The following TSHZ1 variants were observed in gnomAD, a reference collection of about 807,000 sequenced individuals.
The protein encoded by TSHZ1 is teashirt homolog 1.
TSHZ1 carries 12 observed loss-of-function variants against 67.1 expected under a neutral mutation model. The observed-to-expected ratio is 0.18, with a 90% CI of 0.11 to 0.29. The LOEUF (loss-of-function observed/expected upper bound fraction) is 0.29. Among genes scored for constraint, TSHZ1 ranks in the 10% least tolerant of loss-of-function variants. The pLI is 1.00. For synonymous variants in TSHZ1, 632 were observed against 622.4 expected, an observed-to-expected ratio of 1.02 and a Z score of -0.23; for missense variants, 1,305 against 1,413.9, an observed-to-expected ratio of 0.92 and a Z score of 1.23.
At chr18:75,249,988 ACCT>A (rs2023277732) in intron 1 of TSHZ1, among the ~76,000 whole-genome samples, 2 of 107,174 alleles carry the variant, frequency 1.9e-5, no homozygotes, top group African/African-American at 3.8e-5. Flanking sequence ...GGGGCGCATG[ACCT>A]CCTCATCTCA....
intron 1 of TSHZ1, among the ~76,000 whole-genome samples, chr18:75,233,482 T>C (rs1179588232): frequency 6.6e-6 from 1 of 152,208 alleles, no homozygotes; most frequent in Non-Finnish European, 1.5e-5. Context: ...TATAAGAAGA[T>C]GGATGCCGAT....
At chr18:75,251,438 T>G (rs1464773675) in intron 1 of TSHZ1, among the ~76,000 whole-genome samples, 1 of 151,788 alleles carries the variant, frequency 6.6e-6, no homozygotes, top group African/African-American at 2.4e-5. Context: ...ACTCACTAAA[T>G]GGTGAACAGC....
intron 1 of TSHZ1, among the ~76,000 whole-genome samples, chr18:75,269,599 C>T (rs953376551): frequency 3.9e-5 from 6 of 152,124 alleles, no homozygotes; most frequent in African/African-American, 1.4e-4. Context: ...TGGAAACAGA[C>T]GTTTTTGATC....
chr18:75,236,342 C>T (rs2023071001), intron 1 of TSHZ1, among the ~76,000 whole-genome samples: 1 of 152,142 alleles, frequency 6.6e-6, no homozygotes, highest in Non-Finnish European at 1.5e-5. Flanking sequence ...CACATTGTAG[C>T]TGCGTCTTCC....
intron 1 of TSHZ1, among the ~76,000 whole-genome samples, chr18:75,275,727 A>G (rs78859241): frequency 0.019 from 2,891 of 152,274 alleles, 59 homozygotes; most frequent in Middle Eastern, 0.071. Flanking sequence ...ACGTGGGGGT[A>G]AAAACTGAAA....
At chr18:75,217,635 C>T (rs1014645412) in intron 1 of TSHZ1, among the ~76,000 whole-genome samples, 8 of 152,164 alleles carry the variant, frequency 5.3e-5, no homozygotes, top group African/African-American at 1.7e-4. Context: ...TGTTGGGCTG[C>T]GTTCGCTCTT....
chr18:75,219,340 AT>A (rs1381787940), intron 1 of TSHZ1, among the ~76,000 whole-genome samples: 1 of 152,290 alleles, frequency 6.6e-6, no homozygotes, highest in East Asian at 1.9e-4. Context: ...GTACCACTGT[AT>A]TTTTCACCCA....
chr18:75,261,094 A>T lies in TSHZ1; in HGVS notation c.41-24354A>T, dbSNP rs532797117. 5.3e-5 allele frequency among the ~76,000 whole-genome samples: 8 copies of T among 152,138 alleles called. No individual in the cohort carries two copies. The East Asian group carries it at 1.6e-3, about 30-fold the overall frequency. The stretch of plus-strand genomic sequence containing the variant: ...GCCACATCTCCTCCCACGGAGACAG[A>T]GAAGTCCAGTTCCGCGATGTACCCG... On this transcript the variant is annotated intron_variant, in intron 1 of 1. Coordinates refer to ENST00000580243, the MANE Select transcript of TSHZ1 (RefSeq NM_001308210.2).
chr18:75,252,914 C>CT, intron 1 of TSHZ1, among the ~76,000 whole-genome samples: 1 of 152,204 alleles, frequency 6.6e-6, no homozygotes, highest in East Asian at 1.9e-4. Flanking sequence ...TCAATGAATA[C>CT]TTTTTTCTGT....
intron 1 of TSHZ1, among the ~76,000 whole-genome samples, chr18:75,250,053 G>C (rs982069985): frequency 6.7e-6 from 1 of 148,482 alleles, no homozygotes; most frequent in Non-Finnish European, 1.5e-5. Context: ...CCTGCAGTAG[G>C]TGGGGGGTGG....
chr18:75,277,199 C>T (rs370885430), intron 1 of TSHZ1, among the ~76,000 whole-genome samples: 81 of 152,342 alleles, frequency 5.3e-4, no homozygotes, highest in African/African-American at 1.8e-3. Context: ...ACAATTAAGA[C>T]GGATGCTGGC....
At chr18:75,283,719 T>G (rs1448261537) in intron 1 of TSHZ1, 1 of 152,336 alleles carries the variant, frequency 6.6e-6, no homozygotes, top group Non-Finnish European at 1.5e-5. Context: ...TGTGTGTGTG[T>G]GTGTGCGTGT....
chr18:75,233,291 A>G (rs911032331), intron 1 of TSHZ1, among the ~76,000 whole-genome samples: 1 of 152,240 alleles, frequency 6.6e-6, no homozygotes, highest in African/African-American at 2.4e-5. Context: ...ATAAAGTACA[A>G]ACTTTTCTCA....
At chr18:75,258,607 TA>T (rs2023391909) in intron 1 of TSHZ1, among the ~76,000 whole-genome samples, 2 of 152,234 alleles carry the variant, frequency 1.3e-5, no homozygotes, top group Non-Finnish European at 2.9e-5. Flanking sequence ...ATACAGTATA[TA>T]AATGTGTGTG....
chr18:75,238,911 G>T (rs560234429), intron 1 of TSHZ1, among the ~76,000 whole-genome samples: 14 of 152,214 alleles, frequency 9.2e-5, no homozygotes, highest in African/African-American at 3.1e-4. Context: ...AGCCTGGGTC[G>T]TGGGAAGTGG....
intron 1 of TSHZ1, among the ~76,000 whole-genome samples, chr18:75,227,230 ATT>A (rs946458627): frequency 4.9e-5 from 7 of 142,884 alleles, no homozygotes; most frequent in Non-Finnish European, 4.6e-5. Context: ...TTGGTCTTCT[ATT>A]TTTTTTTTTT....
intron 1 of TSHZ1, among the ~76,000 whole-genome samples, chr18:75,245,573 C>T (rs28521354): frequency 0.014 from 2,101 of 152,294 alleles, 31 homozygotes; most frequent in Middle Eastern, 0.055. Context: ...TTGCAATCAC[C>T]GCAAGAATGG....
At chr18:75,246,403 G>GGTGTGTGGGTGTGTGTGTGTGTGT (rs2023222924) in intron 1 of TSHZ1, among the ~76,000 whole-genome samples, 1 of 108,372 alleles carries the variant, frequency 9.2e-6, no homozygotes, top group African/African-American at 3.5e-5. Context: ...TTTGGTTTCT[G>GGTGTGTGGGTGTGTGTGTGTGTGT]GTGTGTGTGT....
intron 1 of TSHZ1, among the ~76,000 whole-genome samples, chr18:75,271,753 C>A (rs2023560883): frequency 1.3e-5 from 2 of 151,756 alleles, no homozygotes; most frequent in East Asian, 1.9e-4. Context: ...GTCCCCTCCC[C>A]ACCCCCTTAA....
Sources: allele counts gnomAD v4.1 joint callset (sites outside exome capture counted in the v4.1 genomes callset), GRCh38; gene constraint gnomAD v4.1.1; transcripts MANE v1.5; gene names NCBI Gene and HGNC (gene_info 2026-07-23, HGNC 2026-07-21).